Variants in SPTB observed in about 807,000 individuals in gnomAD.
SPTB encodes spectrin beta chain, erythrocytic.
SPTB carries 45 observed loss-of-function variants against 256.2 expected under a neutral mutation model. The ratio of observed to expected loss-of-function variants is 0.18; its 90% confidence interval spans 0.14 to 0.23. SPTB has a LOEUF of 0.23. SPTB is among the 10% of genes least tolerant of loss of function. SPTB has a pLI of 1.00. For missense variants in SPTB, 2,715 were observed against 3,040.4 expected (o/e 0.89, Z 2.52); for synonymous variants, 1,231 against 1,243.1 (o/e 0.99, Z 0.21).
rs229619 is a variant in SPTB, at chr14:64,823,528, C to T, written c.-51-383G>A. On this transcript the variant is annotated intron_variant, in intron 1 of 35. Coordinates refer to ENST00000644917, the MANE Select transcript of SPTB (RefSeq NM_001355436.2). This position sits in a 1 kb window ranked among gnomAD's most constrained non-coding sequence, Gnocchi z 6.5. ...AGGGCACAAGCTGGGGAAAGCAACCCTCACCCTGAGGACTAGGCCAGGACC... is the reference window on the plus strand; with the variant it reads ...AGGGCACAAGCTGGGGAAAGCAACCTTCACCCTGAGGACTAGGCCAGGACC... 0.35 allele frequency among the ~76,000 whole-genome samples: 53,801 copies of T among 151,986 alleles called. 12,256 individuals are homozygous for T. Among genetic ancestry groups the T allele is most frequent in the African/African-American group, 0.65 (26,821 of 41,406 alleles).
intron 32 of SPTB, chr14:64,755,072 C>T (rs1238091849): frequency 6.6e-6 from 1 of 152,284 alleles, no homozygotes; most frequent in Non-Finnish European, 1.5e-5. Flanking sequence ...GCCAGGAGGT[C>T]AGAAAAGGTT....
rs367706006 is a variant in SPTB at position 64,749,219 on chromosome 14, C to CCGGCGGGCGG, written c.*77_*86dup. Reference sequence around the variant, plus strand: ...CGCGACTCGACTCATCTCGATTCGACCGGCGGGCGGCGGCGAGAGGAGGCC... The same window carrying CCGGCGGGCGG: ...CGCGACTCGACTCATCTCGATTCGACCGGCGGGCGGCGGCGGGCGGCGGCGAGAGGAGGCC... On this transcript the variant is annotated 3_prime_UTR_variant, in exon 36 of 36. Transcript: ENST00000644917. This position sits in a 1 kb window ranked among gnomAD's most constrained non-coding sequence, Gnocchi z 4.7. 1,687 of 1,479,134 alleles carry CCGGCGGGCGG rather than the reference C, an allele frequency of 1.1e-3. 23 individuals are homozygous for CCGGCGGGCGG. In the African/African-American group the frequency reaches 0.022, roughly 19 times the overall value. The allele number at this position is 1,479,134 out of a possible 1,614,324, so 91.6% of individuals were successfully genotyped here.
intron 1 of SPTB, among the ~76,000 whole-genome samples, chr14:64,855,655 G>A (rs547604466): frequency 5.5e-4 from 84 of 152,142 alleles, no homozygotes; most frequent in African/African-American, 2.0e-3. Context: ...AAGTGCTTCC[G>A]GATTTGGATT....
rs751338667 is a variant in SPTB, at chr14:64,772,649, G to A, written c.5484C>T (p.Ala1828=). The change falls in exon 26 of 36, where the codon GCC becomes GCT. Residue 1828 remains alanine (A), a synonymous_variant. Transcript: ENST00000644917. This position sits in a 1 kb window ranked among gnomAD's most constrained non-coding sequence, Gnocchi z 5.4. ...CCCGGTGGAAGGACTCGGCCGTGCT[G>A]GCGTCCAGCCCCACGTCCTCGGGCA... The part of the protein sequence containing the change: ...RELPEDVGLD[A]STAESFHRVH... The A allele has an allele frequency of 5.9e-5, 95 of 1,613,120 alleles. No homozygotes were observed. The highest frequency in any genetic ancestry group is 7.6e-5 in the Non-Finnish European group (90 of 1,179,812).
chr14:64,770,752 TC>T, intron 27 of SPTB, 132 bp downstream of exon 27: 2 of 1,407,374 alleles, frequency 1.4e-6, no homozygotes, highest in Non-Finnish European at 2.0e-6. Context: ...GCCTCAAGTG[TC>T]CCCCAGGGAT....
chr14:64,854,977 G>A (rs1448044750), intron 1 of SPTB, among the ~76,000 whole-genome samples: 1 of 152,148 alleles, frequency 6.6e-6, no homozygotes, highest in Non-Finnish European at 1.5e-5. Context: ...AGGAAGTGGC[G>A]CCTGAATGAG....
chr14:64,831,886 A>G (rs558844432), intron 1 of SPTB, among the ~76,000 whole-genome samples: 3 of 152,264 alleles, frequency 2.0e-5, no homozygotes, highest in South Asian at 4.1e-4. Context: ...ACATAATTAA[A>G]AAATATATGC....
intron 1 of SPTB, among the ~76,000 whole-genome samples, chr14:64,828,076 G>A (rs2083400804): frequency 6.6e-6 from 1 of 152,192 alleles, no homozygotes. Flanking sequence ...GGTTTGGGGT[G>A]CTTAAAGTCC....
intron 1 of SPTB, among the ~76,000 whole-genome samples, chr14:64,862,867 T>TAAC (rs959364785): frequency 6.0e-4 from 27 of 44,930 alleles, no homozygotes; most frequent in South Asian, 1.8e-3. Context: ...TAAACAACAA[T>TAAC]AACAACAAAA....
In SPTB at chr14:64,806,862, C is replaced by A. The variant is rs1027871443; in HGVS notation, c.149-1772G>T. On this transcript the variant is annotated intron_variant, in intron 2 of 35. Coordinates refer to ENST00000644917, the MANE Select transcript of SPTB (RefSeq NM_001355436.2). The surrounding 1 kb of genome is among the most constrained non-coding windows in gnomAD (Gnocchi z 4.1). ...AAGACTTCCAAGAAGAGGAAAAGTA[C>A]TACTACTGACTGTGAATCCTAAATA... Among the ~76,000 whole-genome samples the A allele has an allele frequency of 1.6e-5, 2 of 123,128 alleles. No homozygotes were observed. Among genetic ancestry groups the A allele is most frequent in the Non-Finnish European group, 3.3e-5 (2 of 60,910 alleles). The allele number at this position is 123,128 out of a possible 152,430, so 80.8% of individuals were successfully genotyped here. A position where few individuals can be genotyped will look rare whatever the true frequency, so the allele number is the denominator to read the frequency against.
intron 1 of SPTB, among the ~76,000 whole-genome samples, chr14:64,848,781 T>A (rs1298165843): frequency 6.6e-6 from 1 of 152,228 alleles, no homozygotes; most frequent in East Asian, 1.9e-4. Flanking sequence ...AAAAATACTT[T>A]ATGAAATTAG....
At position 64,806,130 on chromosome 14, in the gene SPTB, C is replaced by CAAA. The variant is rs149391822; in HGVS notation, c.149-1043_149-1041dup. Among the ~76,000 whole-genome samples the CAAA allele has an allele frequency of 6.6e-3, 946 of 142,626 alleles. 16 individuals are homozygous for CAAA. The highest frequency in any genetic ancestry group is 0.023 in the African/African-American group (881 of 38,488). The allele number at this position is 142,626 out of a possible 152,430, so 93.6% of individuals were successfully genotyped here. A position where few individuals can be genotyped will look rare whatever the true frequency, so the allele number is the denominator to read the frequency against. Reference sequence around the variant, plus strand: ...GAGAGGACAGAAGACTGGGATGGCACAAAAAAAAGAGAGAGAAAAGGATAG... The same window carrying CAAA: ...GAGAGGACAGAAGACTGGGATGGCACAAAAAAAAAAAGAGAGAGAAAAGGATAG... On this transcript the variant is annotated intron_variant, in intron 2 of 35. Coordinates refer to ENST00000644917, the MANE Select transcript of SPTB (RefSeq NM_001355436.2). The surrounding 1 kb of genome is among the most constrained non-coding windows in gnomAD (Gnocchi z 4.1).
chr14:64,750,059 TC>T lies in SPTB; in HGVS notation c.6697del (p.Glu2233ArgfsTer6). 1 of 1,614,176 alleles carries T rather than the reference TC, an allele frequency of 6.2e-7. No individual in the cohort carries two copies. Among genetic ancestry groups the T allele is most frequent in the Non-Finnish European group, 8.5e-7 (1 of 1,180,022 alleles). On this transcript the variant is annotated frameshift_variant, in exon 34 of 36. Transcript: ENST00000644917. LOFTEE classifies it high-confidence loss of function. ...NLALGMPYHG[E>X]EPLALRHAIC... Reference sequence around the variant, plus strand: ...GGCATGTCTCAGGGCCAGGGGTTCCTCCCCATGGTAGGGCATCCCCAGGGCC... The same window carrying T: ...GGCATGTCTCAGGGCCAGGGGTTCCTCCCATGGTAGGGCATCCCCAGGGCC...
intron 1 of SPTB, among the ~76,000 whole-genome samples, chr14:64,854,525 G>A (rs1054520060): frequency 2.6e-5 from 4 of 151,796 alleles, no homozygotes; most frequent in African/African-American, 7.2e-5. Context: ...TGATCCGCCC[G>A]CCTCCGCCTC....
At chr14:64,798,447 G>T (rs760986013) in intron 9 of SPTB, among the ~76,000 whole-genome samples, 1 of 152,166 alleles carries the variant, frequency 6.6e-6, no homozygotes, top group African/African-American at 2.4e-5. Flanking sequence ...CAGCAGGATC[G>T]GTGTCTAGCA....
At chr14:64,875,891 T>A (rs1359942571) in intron 1 of SPTB, among the ~76,000 whole-genome samples, 1 of 152,266 alleles carries the variant, frequency 6.6e-6, no homozygotes, top group African/African-American at 2.4e-5. Context: ...AATGTTAATC[T>A]GTAGGTCTCA....
rs965655752 is a variant in SPTB, at chr14:64,796,141, A to T, written c.1341+416T>A. Among the ~76,000 whole-genome samples the T allele has an allele frequency of 2.0e-5, 3 of 152,326 alleles. No homozygotes were observed. The highest frequency in any genetic ancestry group is 2.1e-4 in the South Asian group (1 of 4,826). The stretch of plus-strand genomic sequence containing the variant: ...TAAGTGAGAGGGAACAGATGCTCTG[A>T]TGAAGAATCAGCCCTGGGGTCAATT... On this transcript the variant is annotated intron_variant, in intron 11 of 35. Transcript: ENST00000644917. The surrounding 1 kb of genome is among the most constrained non-coding windows in gnomAD (Gnocchi z 4.1).
At chr14:64,842,483 G>C (rs976461489) in intron 1 of SPTB, among the ~76,000 whole-genome samples, 4 of 152,142 alleles carry the variant, frequency 2.6e-5, no homozygotes, top group Admixed American at 2.0e-4. Context: ...TTAGTAGCTG[G>C]GAGCCCTAGG....
In SPTB at chr14:64,766,116, A is replaced by G. The variant is rs898276036; in HGVS notation, c.6345+610T>C. On this transcript the variant is annotated intron_variant, in intron 32 of 35. Coordinates refer to ENST00000644917, the MANE Select transcript of SPTB (RefSeq NM_001355436.2). Reference sequence around the variant, plus strand: ...TGTGTGGGTGTGTGTGGATGTGTGTATGGGGATGTGGTGTGGGTGCATGTG... The same window carrying G: ...TGTGTGGGTGTGTGTGGATGTGTGTGTGGGGATGTGGTGTGGGTGCATGTG... Among the ~76,000 whole-genome samples, 12 of 129,180 alleles carry G rather than the reference A, an allele frequency of 9.3e-5. No homozygotes were observed. In the South Asian group the frequency reaches 2.1e-3, roughly 22 times the overall value. 84.7% of individuals were successfully genotyped at this position (129,180 alleles called of 152,430 possible). A position where few individuals can be genotyped will look rare whatever the true frequency, so the allele number is the denominator to read the frequency against.
Sources: gnomAD v4.1 joint callset for allele counts (sites outside exome capture counted in the v4.1 genomes callset) on GRCh38, gnomAD v4.1.1 for gene constraint, Gnocchi (gnomAD v3.1) non-coding constraint, MANE v1.5 for transcripts, NCBI Gene and HGNC (gene_info 2026-07-23, HGNC 2026-07-21) for gene names.